CHRM3: variants seen among roughly 807,000 people sequenced by gnomAD.
The protein encoded by CHRM3 is cholinergic receptor muscarinic 3, also known as muscarinic acetylcholine receptor M3.
In CHRM3, 11 loss-of-function variants were observed where a neutral mutation model predicts 41.8. That is an observed-to-expected ratio of 0.26 (90% CI 0.17 to 0.44). The LOEUF (loss-of-function observed/expected upper bound fraction) is 0.44. Ranked by LOEUF, CHRM3 falls within the 20% of genes least tolerant of loss-of-function variation. The pLI is 1.00. For missense variants in CHRM3, 571 were observed against 745.4 expected (o/e 0.77, Z 2.72); for synonymous variants, 297 against 301.4 (o/e 0.99, Z 0.15).
intron 1 of CHRM3, among the ~76,000 whole-genome samples, chr1:239,413,094 A>C (rs1227973479): frequency 1.6e-4 from 1 of 6,128 alleles, no homozygotes; most frequent in African/African-American, 2.3e-4. Flanking sequence ...AAAAACAAAA[A>C]TGAAAAAAAA....
intron 5 of CHRM3, among the ~76,000 whole-genome samples, chr1:239,714,697 G>A (rs1023188145): frequency 2.0e-5 from 3 of 152,166 alleles, no homozygotes; most frequent in Non-Finnish European, 4.4e-5. Context: ...GATACAATCA[G>A]AATTGTGCCT....
At chr1:239,407,417 T>TATATATAGAGAGAGAGAGAG in intron 1 of CHRM3, among the ~76,000 whole-genome samples, 2 of 134,110 alleles carry the variant, frequency 1.5e-5, no homozygotes, top group African/African-American at 2.5e-5. Context: ...TATATATATA[T>TATATATAGAGAGAGAGAGAG]AGAGAGAGAG....
intron 5 of CHRM3, among the ~76,000 whole-genome samples, chr1:239,817,932 C>T (rs949304066): frequency 7.2e-5 from 11 of 152,114 alleles, no homozygotes; most frequent in African/African-American, 2.4e-5. Flanking sequence ...TATGAAATGG[C>T]GATAATAAAG....
chr1:239,776,799 A>T (rs1440673303), intron 5 of CHRM3, among the ~76,000 whole-genome samples: 1 of 152,210 alleles, frequency 6.6e-6, no homozygotes, highest in East Asian at 1.9e-4. Flanking sequence ...TCATGGCGGA[A>T]GGGGAAGCAA....
At chr1:239,900,889 A>G (rs1262770954) in intron 6 of CHRM3, among the ~76,000 whole-genome samples, 2 of 152,282 alleles carry the variant, frequency 1.3e-5, no homozygotes, top group East Asian at 1.9e-4. Context: ...TCATTTTTGT[A>G]TAACTTGCCT....
intron 3 of CHRM3, among the ~76,000 whole-genome samples, chr1:239,612,428 T>G (rs1387061766): frequency 6.6e-6 from 1 of 152,212 alleles, no homozygotes; most frequent in Non-Finnish European, 1.5e-5. Context: ...TCTTTACAAT[T>G]TAAGCTTTTC....
chr1:239,571,429 G>GT (rs1305091752), intron 3 of CHRM3, among the ~76,000 whole-genome samples: 28 of 152,256 alleles, frequency 1.8e-4, no homozygotes, highest in African/African-American at 6.7e-4. Flanking sequence ...CCACACTGAG[G>GT]TGCACAGCTG....
chr1:239,582,026 C>CT (rs1214053994), intron 3 of CHRM3, among the ~76,000 whole-genome samples: 1 of 152,114 alleles, frequency 6.6e-6, no homozygotes, highest in African/African-American at 2.4e-5. Flanking sequence ...ATTTTTTAAC[C>CT]TAAGTACTCT....
intron 2 of CHRM3, among the ~76,000 whole-genome samples, chr1:239,539,246 AT>A (rs200653324): frequency 6.6e-6 from 1 of 152,066 alleles, no homozygotes; most frequent in African/African-American, 2.4e-5. Flanking sequence ...AATTCTTTCA[AT>A]TTTTTTGGCC....
Position 239,640,159 on chromosome 1 carries a change from C to T in CHRM3, c.-250+7873C>T, listed in dbSNP as rs567792650. ...AAGCTTTTTGATGTGCTGCTGGATT[C>T]GGTTTGCCAGTATTTTATTGAGGAT... On this transcript the variant is annotated intron_variant, in intron 4 of 6. Transcript: ENST00000676153. Among the ~76,000 whole-genome samples the T allele has an allele frequency of 7.0e-3, 1,056 of 151,372 alleles. 9 individuals carry two copies. Among genetic ancestry groups the T allele is most frequent in the Non-Finnish European group, 9.1e-3 (616 of 67,698 alleles).
intron 5 of CHRM3, among the ~76,000 whole-genome samples, chr1:239,688,624 T>C (rs1292225572): frequency 7.5e-6 from 1 of 133,972 alleles, no homozygotes; most frequent in African/African-American, 2.8e-5. Context: ...TATTACTCAG[T>C]ATAATACATA....
intron 4 of CHRM3, among the ~76,000 whole-genome samples, chr1:239,648,362 G>A (rs1671924679): frequency 6.6e-6 from 1 of 152,122 alleles, no homozygotes; most frequent in Non-Finnish European, 1.5e-5. Flanking sequence ...CATTGCCATT[G>A]TGCACACATC....
chr1:239,773,953 A>G (rs575974116), intron 5 of CHRM3, among the ~76,000 whole-genome samples: 2 of 152,320 alleles, frequency 1.3e-5, no homozygotes, highest in African/African-American at 4.8e-5. Flanking sequence ...CTAGAGAAAT[A>G]GTTAGACAGG....
chr1:239,404,723 T>G (rs921026471), intron 1 of CHRM3, among the ~76,000 whole-genome samples: 2,881 of 67,388 alleles, frequency 0.043, 100 homozygotes, highest in African/African-American at 0.13. Context: ...TATCTAAATA[T>G]ATATATATAT....
At chr1:239,666,451 C>T (rs1230862150) in intron 4 of CHRM3, among the ~76,000 whole-genome samples, 2 of 152,028 alleles carry the variant, frequency 1.3e-5, no homozygotes, top group African/African-American at 4.8e-5. Context: ...CTTGGCCTCC[C>T]AAAGTGCTCG....
At chr1:239,811,332 C>T (rs1671100020) in intron 5 of CHRM3, among the ~76,000 whole-genome samples, 1 of 152,206 alleles carries the variant, frequency 6.6e-6, no homozygotes. Context: ...GTCTCCCATG[C>T]AGGCCATCCA....
chr1:239,476,896 A>G (rs774485755), intron 1 of CHRM3, among the ~76,000 whole-genome samples: 3 of 152,212 alleles, frequency 2.0e-5, no homozygotes, highest in Non-Finnish European at 4.4e-5. Context: ...AGAGTAATCC[A>G]AAAGTCAGGA....
At chr1:239,664,926 T>C (rs112267009) in intron 4 of CHRM3, among the ~76,000 whole-genome samples, 1 of 152,170 alleles carries the variant, frequency 6.6e-6, no homozygotes, top group Non-Finnish European at 1.5e-5. Flanking sequence ...TTCAAACCAA[T>C]GTTCTCCTAG....
At chr1:239,475,202 A>G (rs1666387508) in intron 1 of CHRM3, among the ~76,000 whole-genome samples, 1 of 152,142 alleles carries the variant, frequency 6.6e-6, no homozygotes, top group South Asian at 2.1e-4. Flanking sequence ...CAAACCATCC[A>G]TGTTGTATGT....
Sources: allele counts gnomAD v4.1 joint callset (sites outside exome capture counted in the v4.1 genomes callset), GRCh38; gene constraint gnomAD v4.1.1; transcripts MANE v1.5; gene names NCBI Gene and HGNC (gene_info 2026-07-23, HGNC 2026-07-21).